Variants in CNTN1 observed in about 807,000 individuals in gnomAD.
CNTN1 encodes the protein contactin-1.
CNTN1 carries 38 observed loss-of-function variants against 126.4 expected under a neutral mutation model. That is an observed-to-expected ratio of 0.30 (90% confidence interval 0.23 to 0.39). The LOEUF is 0.39. Ranked by LOEUF, CNTN1 falls within the 10% of genes least tolerant of loss-of-function variation. The probability of loss-of-function intolerance (pLI) is 1.00; values close to 1 mark genes in which losing one functional copy is unlikely to be tolerated. For synonymous variants in CNTN1, 413 were observed against 422.6 expected (o/e 0.98, Z 0.28); for missense variants, 1,009 against 1,248.4 (o/e 0.81, Z 2.89).
At chr12:40,782,520 C>T (rs3904168) in intron 1 of CNTN1, among the ~76,000 whole-genome samples, 98,354 of 151,640 alleles carry the variant, frequency 0.65, 32,427 homozygotes, top group South Asian at 0.74. Flanking sequence ...TTCATAATTA[C>T]TGATTTGTAG....
At chr12:40,924,271 C>T (rs1945551168) in intron 5 of CNTN1, among the ~76,000 whole-genome samples, 1 of 152,130 alleles carries the variant, frequency 6.6e-6, no homozygotes, top group African/African-American at 2.4e-5. Flanking sequence ...CTCCCTAAGT[C>T]TGAAACAAAA....
rs759678214 is a variant in CNTN1, at chr12:40,933,464, C to A, written c.707C>A (p.Thr236Lys). ...FIPLIPIPER[T>K]TKPYPADIVV... ...TTTGTGTTTCTCTTAATATTAGGAA[C>A]AACAAAACCATATCCTGCTGATATT... The change falls in exon 8 of 24, where the codon ACA becomes AAA. Residue 236 changes from threonine to lysine, a missense_variant. Coordinates refer to ENST00000551295, the MANE Select transcript of CNTN1 (RefSeq NM_001843.4). 10 of 1,598,564 alleles carry A rather than the reference C, an allele frequency of 6.3e-6. No individual in the cohort carries two copies. The highest frequency in any genetic ancestry group is 1.3e-5 in the African/African-American group (1 of 74,612).
At chr12:40,738,030 A>T (rs1410695025) in intron 1 of CNTN1, among the ~76,000 whole-genome samples, 2 of 152,066 alleles carry the variant, frequency 1.3e-5, no homozygotes, top group Non-Finnish European at 2.9e-5. Context: ...ATAATTCAGC[A>T]TATATTCTGT....
chr12:40,998,802 A>G lies in CNTN1; in HGVS notation c.2113+5533A>G, dbSNP rs1948283354. On this transcript the variant is annotated intron_variant, in intron 17 of 23. Transcript: ENST00000551295. The stretch of plus-strand genomic sequence containing the variant: ...TTTACATAACCATGTTGAATCTCTT[A>G]CTAAAAAAATTGTATTAAATCACCA... Among the ~76,000 whole-genome samples, 3 of 152,110 alleles carry G rather than the reference A, an allele frequency of 2.0e-5. No individual in the cohort carries two copies. The South Asian group carries it at 6.2e-4, about 31-fold the overall frequency.
intron 1 of CNTN1, among the ~76,000 whole-genome samples, chr12:40,889,714 C>G (rs1224803951): frequency 1.3e-5 from 2 of 152,068 alleles, no homozygotes; most frequent in Non-Finnish European, 2.9e-5. Flanking sequence ...ACATAAAGAA[C>G]TGGCAGTGAT....
chr12:40,879,352 C>T (rs2136692562), intron 1 of CNTN1, among the ~76,000 whole-genome samples: 1 of 152,240 alleles, frequency 6.6e-6, no homozygotes, highest in East Asian at 1.9e-4. Context: ...ATTTCTCTGG[C>T]ATGTGTTTTC....
intron 15 of CNTN1, among the ~76,000 whole-genome samples, chr12:40,969,865 T>G (rs1192182378): frequency 6.6e-6 from 1 of 152,256 alleles, no homozygotes; most frequent in Admixed American, 6.6e-5. Flanking sequence ...TTCTCAATCT[T>G]ATTAGTAGCA....
chr12:41,041,872 G>T (rs1225652026), intron 23 of CNTN1, among the ~76,000 whole-genome samples: 1 of 151,986 alleles, frequency 6.6e-6, no homozygotes, highest in Non-Finnish European at 1.5e-5. Flanking sequence ...ACTAGCTCCT[G>T]GGGGCTTTAA....
rs555672096 is a variant in CNTN1 at position 40,909,118 on chromosome 12, T to C, written c.61+625T>C. Among the ~76,000 whole-genome samples the C allele has an allele frequency of 3.3e-4, 50 of 152,236 alleles. No individual in the cohort carries two copies. In the East Asian group the frequency reaches 8.5e-3, roughly 26 times the overall value. ...ATCTTACACAACTCTTTTGCCAATTTGATCAATATAATTTAAAAAATGGAT... is the reference window on the plus strand; with the variant it reads ...ATCTTACACAACTCTTTTGCCAATTCGATCAATATAATTTAAAAAATGGAT... On this transcript the variant is annotated intron_variant, in intron 2 of 23. Coordinates refer to ENST00000551295, the MANE Select transcript of CNTN1 (RefSeq NM_001843.4).
intron 1 of CNTN1, among the ~76,000 whole-genome samples, chr12:40,805,132 G>T (rs1308602560): frequency 6.6e-6 from 1 of 151,930 alleles, no homozygotes; most frequent in African/African-American, 2.4e-5. Flanking sequence ...TCTATGTGTT[G>T]TATTTGTTTA....
chr12:40,998,598 C>A (rs1276516265), intron 17 of CNTN1, among the ~76,000 whole-genome samples: 1 of 151,998 alleles, frequency 6.6e-6, no homozygotes, highest in African/African-American at 2.4e-5. Flanking sequence ...AGAAGAGTTG[C>A]AAAGAACTAT....
In CNTN1 at chr12:41,051,372, C is replaced by T. The variant is rs111577918; in HGVS notation, c.2981-18587C>T. 3.9e-3 allele frequency among the ~76,000 whole-genome samples: 598 copies of T among 151,606 alleles called. 7 individuals carry two copies. The highest frequency in any genetic ancestry group is 0.014 in the African/African-American group (575 of 41,292). ...TTCACCGTGTTAGCCAGGATGGTTT[C>T]GATCTCCTGACCTCGTGATCCACCC... On this transcript the variant is annotated intron_variant, in intron 23 of 23. Transcript: ENST00000551295.
intron 1 of CNTN1, among the ~76,000 whole-genome samples, chr12:40,767,555 G>T (rs911892287): frequency 6.6e-6 from 1 of 151,874 alleles, no homozygotes; most frequent in Non-Finnish European, 1.5e-5. Context: ...TGATCCGCCC[G>T]CCTTGGCCTC....
At chr12:40,893,124 A>C (rs894613750) in intron 1 of CNTN1, among the ~76,000 whole-genome samples, 4 of 152,060 alleles carry the variant, frequency 2.6e-5, no homozygotes, top group African/African-American at 9.7e-5. Flanking sequence ...ATCACCTTTC[A>C]CCTAAAGTTT....
intron 1 of CNTN1, among the ~76,000 whole-genome samples, chr12:40,812,354 T>C (rs1225638360): frequency 6.6e-6 from 1 of 152,152 alleles, no homozygotes; most frequent in Non-Finnish European, 1.5e-5. Flanking sequence ...TGTATTCTGC[T>C]GCTGTTGGAT....
At chr12:40,938,807 C>T (rs577779399) in intron 11 of CNTN1, among the ~76,000 whole-genome samples, 43 of 152,214 alleles carry the variant, frequency 2.8e-4, no homozygotes, top group Admixed American at 6.5e-4. Flanking sequence ...CAGGGTCTCA[C>T]GGTGTTGCCC....
intron 1 of CNTN1, among the ~76,000 whole-genome samples, chr12:40,824,268 A>G (rs906009743): frequency 6.6e-6 from 1 of 152,114 alleles, no homozygotes; most frequent in Non-Finnish European, 1.5e-5. Flanking sequence ...ATCATAGAGA[A>G]ACTTGAGTTT....
At chr12:40,947,841 CTT>C (rs1946494528) in intron 14 of CNTN1, among the ~76,000 whole-genome samples, 1 of 147,554 alleles carries the variant, frequency 6.8e-6, no homozygotes, top group African/African-American at 2.5e-5. Flanking sequence ...ATGTATTACT[CTT>C]ATTACAAATA....
At chr12:40,870,787 CA>C (rs1448918967) in intron 1 of CNTN1, among the ~76,000 whole-genome samples, 1 of 152,020 alleles carries the variant, frequency 6.6e-6, no homozygotes, top group Non-Finnish European at 1.5e-5. Flanking sequence ...CCGTCACACA[CA>C]AATAAATAAA....
Sources: gnomAD v4.1 joint callset for allele counts (sites outside exome capture counted in the v4.1 genomes callset) on GRCh38, gnomAD v4.1.1 for gene constraint, MANE v1.5 for transcripts, NCBI Gene and HGNC (gene_info 2026-07-23, HGNC 2026-07-21) for gene names.